The following CEP63 variants were observed in gnomAD, a reference collection of about 807,000 sequenced individuals.
CEP63 encodes the protein centrosomal protein of 63 kDa.
In CEP63, 84 loss-of-function variants were observed where a neutral mutation model predicts 89.1. The ratio of observed to expected loss-of-function variants is 0.94; its 90% CI spans 0.79 to 1.13. The LOEUF (loss-of-function observed/expected upper bound fraction) is 1.13. Ranked by LOEUF, CEP63 falls within the 50% of genes most tolerant of loss-of-function variation. The pLI is 0.00. For missense variants in CEP63, 838 were observed against 813.3 expected (o/e 1.03, Z -0.37); for synonymous variants, 267 against 272.5 (o/e 0.98, Z 0.20).
the CEP63 span, chr3:134,639,948 TCAAAAAA>T: frequency 6.8e-5 from 3 of 43,946 alleles, no homozygotes; most frequent in Admixed American, 7.7e-4. Flanking sequence ...ACACCCTGTC[TCAAAAAA>T]AAAAAAAAAA....
downstream of CEP63, among the ~76,000 whole-genome samples, chr3:134,576,504 C>G (rs2110310442): frequency 6.6e-6 from 1 of 152,330 alleles, no homozygotes; most frequent in Non-Finnish European, 1.5e-5. Context: ...GCTTGAAACC[C>G]CAGTGCCCAG....
chr3:134,520,876 A>C (rs1400270546), intron 3 of CEP63, among the ~76,000 whole-genome samples: 3 of 152,190 alleles, frequency 2.0e-5, no homozygotes, highest in African/African-American at 7.2e-5. Flanking sequence ...ACCAAATTCA[A>C]TTCTAGATGG....
chr3:134,650,799 G>A, the CEP63 span: 5 of 1,542,128 alleles, frequency 3.2e-6, no homozygotes, highest in African/African-American at 4.2e-5. Context: ...CGGGGGACCC[G>A]GGGACCCGGG....
chr3:134,678,077 T>C, the CEP63 span, among the ~76,000 whole-genome samples: 1 of 152,080 alleles, frequency 6.6e-6, no homozygotes, highest in Non-Finnish European at 1.5e-5. Context: ...GCAGGGCACC[T>C]GGGCCACCTG....
the CEP63 span, chr3:134,620,874 G>A: frequency 6.4e-7 from 1 of 1,556,676 alleles, no homozygotes; most frequent in Non-Finnish European, 8.8e-7. Context: ...AGCAGGAAGG[G>A]TGTGCTGTAT....
Position 134,537,077 on chromosome 3 carries a change from T to G in CEP63, c.442-78T>G, listed in dbSNP as rs1450791772. The G allele has an allele frequency of 3.3e-6, 3 of 907,894 alleles. No homozygotes were observed. In the African/African-American group the frequency reaches 4.9e-5, roughly 15 times the overall value. 56.2% of individuals were successfully genotyped at this position (907,894 alleles called of 1,614,324 possible). On this transcript the variant is annotated intron_variant, in intron 5 of 14. Transcript: ENST00000675561. Reference sequence around the variant, plus strand: ...CGTACCCAGGGACATGGGGAGAAATTAAAGTTAAAGGGAGTCTGGGAAGTA... The same window carrying G: ...CGTACCCAGGGACATGGGGAGAAATGAAAGTTAAAGGGAGTCTGGGAAGTA...
chr3:134,699,024 T>C, the CEP63 span, among the ~76,000 whole-genome samples: 152,231 of 152,282 alleles, frequency 1, 76,090 homozygotes, highest in Middle Eastern at 1. Context: ...TGGAGAGGGC[T>C]GAGTGGGCTT....
chr3:134,714,604 C>A, the CEP63 span, among the ~76,000 whole-genome samples: 1 of 152,228 alleles, frequency 6.6e-6, no homozygotes, highest in Non-Finnish European at 1.5e-5. Flanking sequence ...CAAGGCTGGG[C>A]ATTTCTTGAT....
chr3:134,566,824 G>A (rs1339389346), downstream of CEP63, among the ~76,000 whole-genome samples: 1 of 152,202 alleles, frequency 6.6e-6, no homozygotes, highest in African/African-American at 2.4e-5. Context: ...ATATGTTGCT[G>A]ATGGGAATGT....
chr3:134,687,588 G>T, the CEP63 span, among the ~76,000 whole-genome samples: 1 of 152,228 alleles, frequency 6.6e-6, no homozygotes, highest in African/African-American at 2.4e-5. Context: ...CTCCAGCAGA[G>T]ATCAGGATGG....
the CEP63 span, among the ~76,000 whole-genome samples, chr3:134,768,215 A>G: frequency 6.6e-6 from 1 of 152,178 alleles, no homozygotes; most frequent in Non-Finnish European, 1.5e-5. Flanking sequence ...TCAGATTTGC[A>G]TATTGGACAG....
chr3:134,665,702 C>CATACACAG, the CEP63 span, among the ~76,000 whole-genome samples: 1 of 102,324 alleles, frequency 9.8e-6, no homozygotes, highest in Non-Finnish European at 2.0e-5. Flanking sequence ...CACACACACA[C>CATACACAG]AGAGAGAGAG....
chr3:134,642,045 C>T, the CEP63 span, among the ~76,000 whole-genome samples: 1 of 152,112 alleles, frequency 6.6e-6, no homozygotes, highest in African/African-American at 2.4e-5. Context: ...TCCTGCTGGG[C>T]CCACAGAGGT....
chr3:134,523,341 C>A lies in CEP63; in HGVS notation c.223-8504C>A, dbSNP rs142453878. Among the ~76,000 whole-genome samples, 5 of 152,164 alleles carry A rather than the reference C, an allele frequency of 3.3e-5. No homozygotes were observed. The East Asian group carries it at 7.7e-4, about 23-fold the overall frequency. ...TAGTTTGCAAAAGTTTTCTTCCATT[C>A]TATATGTTGTTCACTCTGTTGATAG... is the stretch of plus-strand genomic sequence containing the variant. On this transcript the variant is annotated intron_variant, in intron 3 of 14. Coordinates refer to ENST00000675561, the MANE Select transcript of CEP63 (RefSeq NM_001353108.3).
chr3:134,781,307 G>A, the CEP63 span, among the ~76,000 whole-genome samples: 1 of 152,080 alleles, frequency 6.6e-6, no homozygotes, highest in East Asian at 1.9e-4. Flanking sequence ...ATAGCCATGA[G>A]ATTTCTCACC....
chr3:134,546,425 C>A, intron 8 of CEP63, 137 bp downstream of exon 8: 1 of 771,316 alleles, frequency 1.3e-6, no homozygotes, highest in Non-Finnish European at 2.0e-6. Context: ...GTGGTGCAAT[C>A]TCAGCTCACT....
At chr3:134,765,692 G>A in the CEP63 span, among the ~76,000 whole-genome samples, 1 of 152,206 alleles carries the variant, frequency 6.6e-6, no homozygotes, top group Non-Finnish European at 1.5e-5. Flanking sequence ...GTCTGTGTGA[G>A]AGAGGAGTAG....
chr3:134,707,655 T>C, the CEP63 span, among the ~76,000 whole-genome samples: 1 of 152,066 alleles, frequency 6.6e-6, no homozygotes, highest in Non-Finnish European at 1.5e-5. Flanking sequence ...ACAACGGTGA[T>C]GTTGAACAGT....
intron 11 of CEP63, among the ~76,000 whole-genome samples, chr3:134,574,207 G>C (rs1958132672): frequency 6.6e-6 from 1 of 152,196 alleles, no homozygotes. Context: ...ATTGCTCACT[G>C]CCGAAGTGCA....
Sources: allele counts gnomAD v4.1 joint callset (sites outside exome capture counted in the v4.1 genomes callset), GRCh38; gene constraint gnomAD v4.1.1; transcripts MANE v1.5; gene names NCBI Gene and HGNC (gene_info 2026-07-23, HGNC 2026-07-21).